The following FAM135B variants were observed in gnomAD, a reference collection of about 807,000 sequenced individuals.
The protein encoded by FAM135B is family with sequence similarity 135 member B.
In FAM135B, 43 loss-of-function variants were observed where a neutral mutation model predicts 127.7. The ratio of observed to expected loss-of-function variants is 0.34; its 90% confidence interval spans 0.26 to 0.43. The LOEUF (loss-of-function observed/expected upper bound fraction) is 0.43. Among genes scored for constraint, FAM135B ranks in the 20% least tolerant of loss-of-function variants. The probability of loss-of-function intolerance (pLI) is 1.00; values close to 1 mark genes in which losing one functional copy is unlikely to be tolerated. For synonymous variants in FAM135B, 670 were observed against 665.1 expected, an observed-to-expected ratio of 1.01 and a Z score of -0.11; for missense variants, 1,558 against 1,725.6, an observed-to-expected ratio of 0.90 and a Z score of 1.72.
intron 2 of FAM135B, among the ~76,000 whole-genome samples, chr8:138,348,950 CAG>C (rs983295447): frequency 6.6e-6 from 1 of 152,234 alleles, no homozygotes; most frequent in Non-Finnish European, 1.5e-5. Context: ...CTGTCTGGAG[CAG>C]AGAGTTGTGG....
At chr8:138,373,464 G>A (rs1213239696) in intron 1 of FAM135B, among the ~76,000 whole-genome samples, 2 of 150,312 alleles carry the variant, frequency 1.3e-5, no homozygotes, top group South Asian at 2.1e-4. Context: ...GTCGCCTCAG[G>A]ACCCTGTGAT....
Position 138,151,549 on chromosome 8 carries a change from G to A in FAM135B, c.2926C>T (p.Pro976Ser), listed in dbSNP as rs2130733751. 1 of 1,614,196 alleles carries A rather than the reference G, an allele frequency of 6.2e-7. No homozygotes were observed. Among genetic ancestry groups the A allele is most frequent in the South Asian group, 1.1e-5 (1 of 91,074 alleles). The change falls in exon 13 of 20, where the codon CCG (proline) becomes TCG (serine). Residue 976 changes from proline (P) to serine (S), a missense_variant. By Grantham distance (74) the Pro-to-Ser change is moderately conservative. This residue lies in a region of FAM135B where 923 missense variants were observed against 865.3 expected (regional missense o/e 1.07). Transcript: ENST00000395297. ...TAFNRGVNAF[P>S]EAKHKAGTVC... is the part of the protein sequence containing the mutation. ...GTGCCTGCTTTATGTTTAGCCTCCG[G>A]GAAGGCATTCACTCCTCTATTAAAT...
intron 12 of FAM135B, among the ~76,000 whole-genome samples, chr8:138,160,395 A>AT (rs1448210865): frequency 6.6e-6 from 1 of 150,888 alleles, no homozygotes; most frequent in Admixed American, 6.6e-5. Flanking sequence ...TTATTTATTT[A>AT]TTTTTTCTTT....
At chr8:138,385,869 C>T (rs184143274) in intron 1 of FAM135B, among the ~76,000 whole-genome samples, 1 of 151,986 alleles carries the variant, frequency 6.6e-6, no homozygotes, top group Non-Finnish European at 1.5e-5. Context: ...GGAAACGGGC[C>T]AGACTTTTAG....
chr8:138,160,221 T>C lies in FAM135B; in HGVS notation c.1259-7005A>G, dbSNP rs565558901. On this transcript the variant is annotated intron_variant, in intron 12 of 19. Coordinates refer to ENST00000395297, the MANE Select transcript of FAM135B (RefSeq NM_015912.4). ...CCTTTTTGACTGGATGTTACTTGTA[T>C]AATAAAAATGCGATCAAATTTATGA... Among the ~76,000 whole-genome samples the C allele has an allele frequency of 6.4e-4, 98 of 152,178 alleles. 1 individual carries two copies. Among genetic ancestry groups the C allele is most frequent in the African/African-American group, 2.3e-3 (94 of 41,524 alleles).
chr8:138,184,567 G>A (rs1284302644), intron 9 of FAM135B, among the ~76,000 whole-genome samples: 2 of 152,150 alleles, frequency 1.3e-5, no homozygotes, highest in South Asian at 2.1e-4. Context: ...TCCATGGGAC[G>A]GGCCATAGGA....
At chr8:138,190,799 T>G (rs1816050001) in intron 9 of FAM135B, among the ~76,000 whole-genome samples, 1 of 152,178 alleles carries the variant, frequency 6.6e-6, no homozygotes, top group Non-Finnish European at 1.5e-5. Flanking sequence ...TTGTATTGAT[T>G]CCAGGTCTTT....
intron 9 of FAM135B, among the ~76,000 whole-genome samples, chr8:138,185,423 C>T (rs577592891): frequency 6.6e-6 from 1 of 152,232 alleles, no homozygotes; most frequent in Non-Finnish European, 1.5e-5. Context: ...TCTGAGTGTC[C>T]TCTAGAATCA....
chr8:138,245,533 C>T (rs1242578164), intron 6 of FAM135B, among the ~76,000 whole-genome samples: 3 of 152,264 alleles, frequency 2.0e-5, no homozygotes, highest in African/African-American at 7.2e-5. Flanking sequence ...TGCAGAAGGA[C>T]ATGTTTGCCT....
At position 138,151,595 on chromosome 8, in the gene FAM135B, A is replaced by G. The variant is rs1170946278; in HGVS notation, c.2880T>C (p.Pro960=). 3 of 1,614,196 alleles carry G rather than the reference A, an allele frequency of 1.9e-6. No homozygotes were observed. The highest frequency in any genetic ancestry group is 2.7e-5 in the African/African-American group (2 of 75,056). ...STGQQSQSGS[P]CIMDDTAFNR... is the part of the protein sequence containing the mutation. The stretch of plus-strand genomic sequence containing the variant: ...TAAATGCTGTGTCATCCATAATGCA[A>G]GGTGAACCGCTTTGGCTTTGCTGGC... Residue 960 remains proline (P), a synonymous_variant, in exon 13 of 20, where the codon CCT becomes CCC. Transcript: ENST00000395297.
At chr8:138,345,348 C>T (rs1264575810) in intron 2 of FAM135B, among the ~76,000 whole-genome samples, 1 of 152,180 alleles carries the variant, frequency 6.6e-6, no homozygotes, top group Non-Finnish European at 1.5e-5. Context: ...TAAGTGACAT[C>T]TGAGCAGAGA....
chr8:138,142,043 CTT>C (rs530529740), intron 16 of FAM135B, among the ~76,000 whole-genome samples: 35 of 151,998 alleles, frequency 2.3e-4, no homozygotes, highest in African/African-American at 7.5e-4. Context: ...TTCTTTTATT[CTT>C]TTTTTTAAAA....
chr8:138,415,873 C>G (rs1834116842), intron 1 of FAM135B, among the ~76,000 whole-genome samples: 1 of 152,162 alleles, frequency 6.6e-6, no homozygotes, highest in Non-Finnish European at 1.5e-5. Context: ...ATGTGTTTAT[C>G]AAATATCTCC....
At chr8:138,412,499 C>T (rs1833921990) in intron 1 of FAM135B, among the ~76,000 whole-genome samples, 1 of 152,198 alleles carries the variant, frequency 6.6e-6, no homozygotes, top group African/African-American at 2.4e-5. Context: ...CTGGGACTCA[C>T]CTGGCTCCGA....
intron 11 of FAM135B, among the ~76,000 whole-genome samples, chr8:138,170,276 G>T (rs1440586277): frequency 6.9e-6 from 1 of 144,958 alleles, no homozygotes; most frequent in South Asian, 2.2e-4. Flanking sequence ...AGGCTGGAGT[G>T]CAATGGCACA....
chr8:138,464,413 G>T (rs1258698827), intron 1 of FAM135B, among the ~76,000 whole-genome samples: 1 of 152,008 alleles, frequency 6.6e-6, no homozygotes, highest in Non-Finnish European at 1.5e-5. Flanking sequence ...CCCAACACAT[G>T]GCACAGGATG....
chr8:138,382,017 C>T (rs189647986), intron 1 of FAM135B, among the ~76,000 whole-genome samples: 1 of 152,072 alleles, frequency 6.6e-6, no homozygotes, highest in Admixed American at 6.6e-5. Flanking sequence ...TTCAGACATG[C>T]TATCTGTTTG....
chr8:138,196,649 G>T (rs1310934197), intron 8 of FAM135B, among the ~76,000 whole-genome samples: 3 of 152,224 alleles, frequency 2.0e-5, no homozygotes, highest in Non-Finnish European at 4.4e-5. Flanking sequence ...ATATAGGGAA[G>T]TCAATGTACC....
intron 2 of FAM135B, among the ~76,000 whole-genome samples, chr8:138,329,377 A>T (rs1485862226): frequency 6.6e-6 from 1 of 152,154 alleles, no homozygotes; most frequent in Non-Finnish European, 1.5e-5. Context: ...GTGTCTCTTA[A>T]TTGCTTTTTG....
Sources: allele counts gnomAD v4.1 joint callset (sites outside exome capture counted in the v4.1 genomes callset), GRCh38; gene constraint gnomAD v4.1.1; regional missense constraint gnomAD v4.1.1; transcripts MANE v1.5; gene names NCBI Gene and HGNC (gene_info 2026-07-23, HGNC 2026-07-21).